LAMA2: variants seen among roughly 807,000 people sequenced by gnomAD.
LAMA2 encodes the protein laminin subunit alpha-2.
A neutral mutation model predicts 364.8 loss-of-function variants in LAMA2; 269 were observed. That is an observed-to-expected ratio of 0.74 (90% CI 0.67 to 0.82). The LOEUF is 0.82. LAMA2 is among the 40% of genes least tolerant of loss of function. The pLI is 0.00. For synonymous variants in LAMA2, 1,379 were observed against 1,370.6 expected (o/e 1.01, Z -0.14); for missense variants, 3,807 against 3,873.2 (o/e 0.98, Z 0.45).
chr6:129,492,540 T>C, intron 58 of LAMA2, 57 bp downstream of exon 58: 1 of 1,459,994 alleles, frequency 6.8e-7, no homozygotes, highest in Non-Finnish European at 9.6e-7. Flanking sequence ...TTCTGAGTCA[T>C]TTCAGAAGGA....
chr6:129,076,504 TA>T (rs1287093048), intron 3 of LAMA2, among the ~76,000 whole-genome samples: 1,118 of 5,550 alleles, frequency 0.2, 16 homozygotes, highest in African/African-American at 0.23. Context: ...TATATAAATA[TA>T]TATATATAAT....
At position 129,261,176 on chromosome 6, in the gene LAMA2, A is replaced by AT. The variant is rs558877302; in HGVS notation, c.2208+364dup. ...AATGTTATCCAAAATTTAGCACTCT[A>AT]TTTTTTTTTTACTTTTCTCTCATTT... On this transcript the variant is annotated intron_variant, in intron 15 of 64. Transcript: ENST00000421865. Among the ~76,000 whole-genome samples the AT allele has an allele frequency of 5.9e-3, 869 of 148,298 alleles. 1 individual carries two copies. The highest frequency in any genetic ancestry group is 0.014 in the Middle Eastern group (4 of 282).
chr6:129,511,672 C>G (rs1786589304), intron 62 of LAMA2, among the ~76,000 whole-genome samples: 1 of 152,042 alleles, frequency 6.6e-6, no homozygotes, highest in Non-Finnish European at 1.5e-5. Flanking sequence ...CAGATCTTAA[C>G]ATATCACTTT....
intron 40 of LAMA2, among the ~76,000 whole-genome samples, chr6:129,404,597 G>A (rs1024508715): frequency 2.0e-5 from 3 of 152,076 alleles, no homozygotes; most frequent in Non-Finnish European, 2.9e-5. Context: ...GCAACATTTT[G>A]TACATGAGTT....
At chr6:129,200,419 C>T (rs369165681) in intron 12 of LAMA2, among the ~76,000 whole-genome samples, 27 of 145,008 alleles carry the variant, frequency 1.9e-4, no homozygotes, top group East Asian at 6.1e-4. Flanking sequence ...TATACATATA[C>T]GTGTATATGT....
intron 4 of LAMA2, among the ~76,000 whole-genome samples, chr6:129,105,840 A>T (rs190475885): frequency 6.6e-6 from 1 of 152,300 alleles, no homozygotes; most frequent in African/African-American, 2.4e-5. Flanking sequence ...GAGATCCTAG[A>T]ATTAAAATTA....
At chr6:129,497,567 G>A (rs1158733584) in intron 58 of LAMA2, among the ~76,000 whole-genome samples, 5 of 152,162 alleles carry the variant, frequency 3.3e-5, no homozygotes. Flanking sequence ...TGTTATTTAA[G>A]AACTAAGACT....
In LAMA2 at chr6:129,283,431, G is replaced by A. The variant is rs2130607; in HGVS notation, c.2537+3284G>A. Among the ~76,000 whole-genome samples the A allele has an allele frequency of 3.4e-3, 522 of 151,936 alleles. 3 individuals carry two copies. The highest frequency in any genetic ancestry group is 0.012 in the African/African-American group (480 of 41,412). ...ATTATGGAGAAGGCATTTCAAAAAG[G>A]CAGGCAAGTTCATCTGGTGGATTCT... On this transcript the variant is annotated intron_variant, in intron 18 of 64. Transcript: ENST00000421865.
chr6:128,905,072 A>G (rs1777343200), intron 1 of LAMA2, among the ~76,000 whole-genome samples: 1 of 152,208 alleles, frequency 6.6e-6, no homozygotes, highest in Non-Finnish European at 1.5e-5. Context: ...TGATGGTATA[A>G]AGTTCTAGAA....
chr6:128,986,906 T>G (rs1368530555), intron 1 of LAMA2, among the ~76,000 whole-genome samples: 1 of 152,102 alleles, frequency 6.6e-6, no homozygotes, highest in East Asian at 1.9e-4. Flanking sequence ...GAGACTAGAC[T>G]CTCTAGATCC....
At chr6:129,039,069 C>G (rs994651944) in intron 1 of LAMA2, among the ~76,000 whole-genome samples, 1 of 152,082 alleles carries the variant, frequency 6.6e-6, no homozygotes, top group Non-Finnish European at 1.5e-5. Context: ...GCATTATATT[C>G]CAACTAGTGC....
chr6:129,246,098 T>G (rs1785734136), intron 12 of LAMA2, among the ~76,000 whole-genome samples: 1 of 152,268 alleles, frequency 6.6e-6, no homozygotes, highest in Non-Finnish European at 1.5e-5. Context: ...AATAATAATT[T>G]TTTTCATAAA....
intron 4 of LAMA2, among the ~76,000 whole-genome samples, chr6:129,105,795 T>A (rs374026597): frequency 1.6e-3 from 250 of 152,276 alleles, no homozygotes; most frequent in African/African-American, 5.8e-3. Flanking sequence ...GTAATAATAT[T>A]GAGGAGGACG....
chr6:129,164,945 C>G (rs1455084583), intron 8 of LAMA2, among the ~76,000 whole-genome samples: 3 of 151,986 alleles, frequency 2.0e-5, no homozygotes, highest in African/African-American at 7.2e-5. Flanking sequence ...TATGCCTTAC[C>G]TATTCTGTGC....
At chr6:129,355,581 G>T (rs906068992) in intron 32 of LAMA2, among the ~76,000 whole-genome samples, 7 of 152,122 alleles carry the variant, frequency 4.6e-5, no homozygotes, top group South Asian at 2.1e-4. Context: ...ATGTAATCAT[G>T]GTGGAATTGC....
chr6:129,082,463 T>C (rs1050589164), intron 3 of LAMA2, among the ~76,000 whole-genome samples: 13 of 152,158 alleles, frequency 8.5e-5, no homozygotes, highest in Admixed American at 2.0e-4. Flanking sequence ...AGTTCTCTAG[T>C]AGGCACCCAT....
intron 40 of LAMA2, among the ~76,000 whole-genome samples, chr6:129,416,897 T>C (rs1242755296): frequency 6.6e-6 from 1 of 152,130 alleles, no homozygotes; most frequent in Non-Finnish European, 1.5e-5. Flanking sequence ...AGGTCCTGGC[T>C]CTATGTGAGG....
chr6:129,374,590 T>C (rs1422310151), intron 34 of LAMA2, among the ~76,000 whole-genome samples: 1 of 152,102 alleles, frequency 6.6e-6, no homozygotes, highest in Non-Finnish European at 1.5e-5. Context: ...TTTTTTTTTT[T>C]TTTTTAAACA....
intron 4 of LAMA2, among the ~76,000 whole-genome samples, chr6:129,123,023 C>T (rs1480242268): frequency 1.3e-5 from 2 of 151,932 alleles, no homozygotes; most frequent in Admixed American, 6.6e-5. Flanking sequence ...ACTGCGAGGC[C>T]GGGTGTGGTG....
Sources: allele counts gnomAD v4.1 joint callset (sites outside exome capture counted in the v4.1 genomes callset), GRCh38; gene constraint gnomAD v4.1.1; transcripts MANE v1.5; gene names NCBI Gene and HGNC (gene_info 2026-07-23, HGNC 2026-07-21).